B4GALT1: variants seen among roughly 807,000 people sequenced by gnomAD.
The protein encoded by B4GALT1 is N-acetyllactosamine synthase.
In B4GALT1, 16 loss-of-function variants were observed where a neutral mutation model predicts 34.9. The ratio of observed to expected loss-of-function variants is 0.46; its 90% CI spans 0.31 to 0.70. The LOEUF (loss-of-function observed/expected upper bound fraction) is 0.70, where lower values mean the gene tolerates loss of function less well. Among genes scored for constraint, B4GALT1 ranks in the 30% least tolerant of loss-of-function variants. B4GALT1 has a pLI of 0.05. For synonymous variants in B4GALT1, 221 were observed against 218.1 expected (o/e 1.01, Z -0.12); for missense variants, 445 against 530.5 (o/e 0.84, Z 1.58).
intron 2 of B4GALT1, among the ~76,000 whole-genome samples, chr9:33,121,189 AC>A (rs1168222403): frequency 6.6e-6 from 1 of 151,972 alleles, no homozygotes; most frequent in African/African-American, 2.4e-5. Context: ...AATACAGCAA[AC>A]CCAACTCAAC....
the B4GALT1 span, among the ~76,000 whole-genome samples, chr9:33,182,497 C>T: frequency 3.9e-5 from 6 of 152,174 alleles, no homozygotes; most frequent in Non-Finnish European, 5.9e-5. Context: ...TAGAGGGTTA[C>T]GCCCTGGTAT....
At chr9:33,170,958 G>T (rs926624322), upstream of B4GALT1, among the ~76,000 whole-genome samples, 1 of 152,240 alleles carries the variant, frequency 6.6e-6, no homozygotes, top group Non-Finnish European at 1.5e-5. Context: ...CCATCCATGT[G>T]CTCATCTGCC....
the B4GALT1 span, among the ~76,000 whole-genome samples, chr9:33,184,019 G>T: frequency 3.3e-5 from 5 of 152,018 alleles, no homozygotes; most frequent in African/African-American, 1.2e-4. Flanking sequence ...GGCCTGCTGG[G>T]GGTTGGGGGT....
At chr9:33,124,586 T>C (rs1010246183) in intron 2 of B4GALT1, among the ~76,000 whole-genome samples, 1 of 152,150 alleles carries the variant, frequency 6.6e-6, no homozygotes, top group African/African-American at 2.4e-5. Context: ...CAGTGAGCCA[T>C]GACAGCACCA....
chr9:33,128,272 G>C (rs999679027), intron 2 of B4GALT1, among the ~76,000 whole-genome samples: 2 of 152,176 alleles, frequency 1.3e-5, no homozygotes, highest in Non-Finnish European at 2.9e-5. Context: ...AAAGAGAAAA[G>C]GGTGGATGCA....
intron 1 of B4GALT1, among the ~76,000 whole-genome samples, chr9:33,137,989 C>G (rs1840295050): frequency 6.6e-6 from 1 of 152,234 alleles, no homozygotes; most frequent in African/African-American, 2.4e-5. Flanking sequence ...GCAGCCCCCA[C>G]CCCACCTTTG....
In B4GALT1 at chr9:33,135,173, C is replaced by T. The variant is rs779746100; in HGVS notation, c.648+16G>A. 2 of 1,609,060 alleles carry T rather than the reference C, an allele frequency of 1.2e-6. No homozygotes were observed. The highest frequency in any genetic ancestry group is 1.7e-6 in the Non-Finnish European group (2 of 1,175,582). On this transcript the variant is annotated intron_variant, in intron 2 of 5. Coordinates refer to ENST00000379731, the MANE Select transcript of B4GALT1 (RefSeq NM_001497.4). ...TGCACACACACCCTCTCTCATTCCA[C>T]CTTCCCAGGCCTCACCTGGTTGATA...
intron 2 of B4GALT1, among the ~76,000 whole-genome samples, chr9:33,126,618 A>G (rs1840103938): frequency 6.6e-6 from 1 of 152,270 alleles, no homozygotes; most frequent in Non-Finnish European, 1.5e-5. Context: ...ATTGTTAACC[A>G]TAGTTAACCA....
intron 1 of B4GALT1, among the ~76,000 whole-genome samples, chr9:33,150,500 A>G (rs1840500997): frequency 2.0e-5 from 3 of 152,142 alleles, no homozygotes; most frequent in African/African-American, 7.2e-5. Context: ...ATGTATATAT[A>G]CTGTGTGACT....
At chr9:33,150,680 T>C (rs1238578574) in intron 1 of B4GALT1, among the ~76,000 whole-genome samples, 2 of 152,216 alleles carry the variant, frequency 1.3e-5, no homozygotes, top group African/African-American at 4.8e-5. Flanking sequence ...AATATGTATG[T>C]GTTAAAATTT....
intron 1 of B4GALT1, among the ~76,000 whole-genome samples, chr9:33,148,957 A>G (rs1464230636): frequency 6.6e-6 from 1 of 152,206 alleles, no homozygotes; most frequent in Non-Finnish European, 1.5e-5. Flanking sequence ...ATACATAATG[A>G]TAGTAAAGGA....
downstream of B4GALT1, among the ~76,000 whole-genome samples, chr9:33,107,542 C>A (rs1839807301): frequency 6.6e-6 from 1 of 152,230 alleles, no homozygotes; most frequent in Non-Finnish European, 1.5e-5. Flanking sequence ...TTGGCCCTGC[C>A]TCCAAAGAAC....
At position 33,167,251 on chromosome 9, in the gene B4GALT1, C is replaced by A. The variant is rs868422108; in HGVS notation, c.-82G>T. ...GCGGGCCGCCCGCCAGGCGCTGCCCCACAGCGGCGACTAGGGGAGGGCCCG... is the reference window on the plus strand; with the variant it reads ...GCGGGCCGCCCGCCAGGCGCTGCCCAACAGCGGCGACTAGGGGAGGGCCCG... On this transcript the variant is annotated 5_prime_UTR_variant, in exon 1 of 6. Coordinates refer to ENST00000379731, the MANE Select transcript of B4GALT1 (RefSeq NM_001497.4). 86 of 1,423,596 alleles carry A rather than the reference C, an allele frequency of 6.0e-5. 2 individuals are homozygous for A. The Middle Eastern group carries it at 4.7e-3, about 78-fold the overall frequency. 88.2% of individuals were successfully genotyped at this position (1,423,596 alleles called of 1,614,324 possible). A position where few individuals can be genotyped will look rare whatever the true frequency, so the allele number is the denominator to read the frequency against.
downstream of B4GALT1, among the ~76,000 whole-genome samples, chr9:33,106,950 T>A (rs1162615785): frequency 6.6e-6 from 1 of 152,110 alleles, no homozygotes; most frequent in Non-Finnish European, 1.5e-5. Context: ...CCCTGCCTGG[T>A]GACCTGGCAC....
intron 1 of B4GALT1, among the ~76,000 whole-genome samples, chr9:33,154,960 T>C (rs1447178767): frequency 6.6e-6 from 1 of 152,098 alleles, no homozygotes; most frequent in Non-Finnish European, 1.5e-5. Context: ...TAAGTTTAGG[T>C]GGATGTGGAT....
chr9:33,144,937 G>C (rs113050083), intron 1 of B4GALT1, among the ~76,000 whole-genome samples: 2,198 of 152,270 alleles, frequency 0.014, 64 homozygotes, highest in African/African-American at 0.051. Flanking sequence ...ACAGAGCTGG[G>C]AGCCATCTTG....
At chr9:33,150,906 G>T (rs1221825375) in intron 1 of B4GALT1, among the ~76,000 whole-genome samples, 3 of 152,130 alleles carry the variant, frequency 2.0e-5, no homozygotes, top group Non-Finnish European at 2.9e-5. Context: ...CATGAGGCAA[G>T]AGAGTCCATG....
upstream of B4GALT1, among the ~76,000 whole-genome samples, chr9:33,168,205 T>C (rs180889771): frequency 1.2e-4 from 18 of 152,338 alleles, 1 homozygote; most frequent in Admixed American, 2.6e-4. Context: ...AGCCCACAGC[T>C]GGCAAGAGGC....
chr9:33,166,994 G>A lies in B4GALT1; in HGVS notation c.176C>T (p.Pro59Leu). ...GGCACTGTTCGAGCCGCCCTGCAGC[G>A]GTGTGGAGACTCCGACCAGTTGGGG... is the stretch of plus-strand genomic sequence containing the variant. ...RLPQLVGVST[P>L]LQGGSNSAAA... The change falls in exon 1 of 6, where the codon CCG becomes CTG. Residue 59 changes from proline to leucine, a missense_variant. Transcript: ENST00000379731. 3 of 1,593,160 alleles carry A rather than the reference G, an allele frequency of 1.9e-6. No homozygotes were observed. The highest frequency in any genetic ancestry group is 2.7e-5 in the African/African-American group (2 of 74,938).
Sources: gnomAD v4.1 joint callset for allele counts (sites outside exome capture counted in the v4.1 genomes callset) on GRCh38, gnomAD v4.1.1 for gene constraint, MANE v1.5 for transcripts, NCBI Gene and HGNC (gene_info 2026-07-23, HGNC 2026-07-21) for gene names.